COL22A1: variants seen among roughly 807,000 people sequenced by gnomAD.
COL22A1 encodes the protein collagen alpha-1(XXII) chain.
Under a neutral mutation model 248.9 loss-of-function variants are expected in COL22A1, and 221 were observed. The observed-to-expected ratio is 0.89, with a 90% CI of 0.80 to 0.99. The LOEUF is 0.99. Ranked by LOEUF, COL22A1 falls within the 50% of genes least tolerant of loss-of-function variation. The pLI, the probability that COL22A1 is intolerant of heterozygous loss-of-function variation, is 0.00. For synonymous variants in COL22A1, 891 were observed against 793.4 expected (o/e 1.12, Z -2.07); for missense variants, 2,240 against 2,179.0 (o/e 1.03, Z -0.56).
intron 45 of COL22A1, among the ~76,000 whole-genome samples, chr8:138,650,147 G>A (rs1470091580): frequency 1.3e-5 from 2 of 152,144 alleles, no homozygotes; most frequent in South Asian, 4.1e-4. Context: ...CAAACATTTA[G>A]TATTACTAAA....
At chr8:138,623,670 A>G (rs990750531) in intron 52 of COL22A1, 62 bp downstream of exon 52, 3 of 1,401,936 alleles carry the variant, frequency 2.1e-6, no homozygotes, top group Non-Finnish European at 3.0e-6. Context: ...CACACAAAGT[A>G]GTTGTTTTTG....
intron 51 of COL22A1, among the ~76,000 whole-genome samples, chr8:138,625,264 T>C (rs556912749): frequency 6.6e-6 from 1 of 152,174 alleles, no homozygotes; most frequent in East Asian, 1.9e-4. Flanking sequence ...GGAAGAGGCA[T>C]CCTGGTAGCC....
chr8:138,774,500 C>G (rs1053442724), intron 16 of COL22A1, among the ~76,000 whole-genome samples: 21 of 150,738 alleles, frequency 1.4e-4, no homozygotes, highest in African/African-American at 4.4e-4. Context: ...CTCACTGCAA[C>G]CTCCGCCTCC....
intron 12 of COL22A1, among the ~76,000 whole-genome samples, chr8:138,783,433 G>C (rs764593354): frequency 1.3e-5 from 2 of 152,116 alleles, no homozygotes; most frequent in Admixed American, 6.5e-5. Flanking sequence ...GTGTTCCAGG[G>C]CAGGGAGCAT....
intron 56 of COL22A1, among the ~76,000 whole-genome samples, chr8:138,608,671 G>A (rs548063172): frequency 7.2e-5 from 11 of 152,280 alleles, no homozygotes; most frequent in African/African-American, 2.6e-4. Flanking sequence ...GTAAAAACAA[G>A]AAAGCTCAAG....
At chr8:138,760,359 A>G in intron 17 of COL22A1, 72 bp from the exon 18 acceptor site, 1 of 1,408,636 alleles carries the variant, frequency 7.1e-7, no homozygotes, top group Non-Finnish European at 9.7e-7. Context: ...GGGGAGAAAC[A>G]GGTTGAAAGA....
intron 30 of COL22A1, among the ~76,000 whole-genome samples, chr8:138,711,289 A>T (rs2131055005): frequency 6.6e-6 from 1 of 152,336 alleles, no homozygotes. Flanking sequence ...GGGGACGTGA[A>T]GGGAGAAGCA....
intron 40 of COL22A1, among the ~76,000 whole-genome samples, chr8:138,678,520 T>G (rs1825734208): frequency 6.6e-6 from 1 of 152,294 alleles, no homozygotes; most frequent in East Asian, 1.9e-4. Flanking sequence ...TTCAAGATAC[T>G]TCGGATCCCT....
At chr8:138,734,366 C>A (rs1259367685) in intron 23 of COL22A1, among the ~76,000 whole-genome samples, 2 of 152,066 alleles carry the variant, frequency 1.3e-5, no homozygotes, top group Non-Finnish European at 2.9e-5. Flanking sequence ...AATTTGGTAC[C>A]CAGTGCGTAC....
chr8:138,715,834 T>C (rs934094841), intron 29 of COL22A1, 99 bp from the exon 30 acceptor site: 1 of 849,520 alleles, frequency 1.2e-6, no homozygotes, highest in Non-Finnish European at 1.9e-6. Context: ...AAAACATACA[T>C]GTATATATTT....
intron 30 of COL22A1, among the ~76,000 whole-genome samples, chr8:138,706,946 A>G (rs1828513395): frequency 6.6e-6 from 1 of 152,228 alleles, no homozygotes. Context: ...AAAAAATGAT[A>G]AAGGGGATAT....
rs576193195 is a variant in COL22A1, at chr8:138,906,449, C to T, written c.-73+7170G>A. Among the ~76,000 whole-genome samples the T allele has an allele frequency of 2.6e-5, 4 of 152,232 alleles. No homozygotes were observed. In the East Asian group the frequency reaches 7.7e-4, roughly 29 times the overall value. On this transcript the variant is annotated intron_variant, in intron 1 of 64. Transcript: ENST00000303045. Reference sequence around the variant, plus strand: ...CTTAACGTGTCTAGTCTCTCTTCCTCTGTGCCTGGAACAATGATGCGCACA... The same window carrying T: ...CTTAACGTGTCTAGTCTCTCTTCCTTTGTGCCTGGAACAATGATGCGCACA...
Position 138,649,790 on chromosome 8 carries a change from G to C in COL22A1, c.3334-12C>G. 1 of 1,515,368 alleles carries C rather than the reference G, an allele frequency of 6.6e-7. No individual in the cohort carries two copies. Among genetic ancestry groups the C allele is most frequent in the Non-Finnish European group, 8.9e-7 (1 of 1,119,784 alleles). The allele number at this position is 1,515,368 out of a possible 1,614,324, so 93.9% of individuals were successfully genotyped here. A position where few individuals can be genotyped will look rare whatever the true frequency, so the allele number is the denominator to read the frequency against. Reference sequence around the variant, plus strand: ...TCATTGCACACATCCTGAGAGTGGGGAGAGAGGTGGGGACAAAGAGAGAAT... The same window carrying C: ...TCATTGCACACATCCTGAGAGTGGGCAGAGAGGTGGGGACAAAGAGAGAAT... On this transcript the variant is annotated splice_polypyrimidine_tract_variant and intron_variant, in intron 45 of 64. Coordinates refer to ENST00000303045, the MANE Select transcript of COL22A1 (RefSeq NM_152888.3).
chr8:138,670,539 C>G (rs11989535), intron 41 of COL22A1, among the ~76,000 whole-genome samples: 9,008 of 152,102 alleles, frequency 0.059, 629 homozygotes, highest in African/African-American at 0.17. Context: ...GGGACAGCGT[C>G]AGTGGCTTTG....
chr8:138,725,285 G>A, intron 24 of COL22A1, 102 bp downstream of exon 24: 2 of 1,213,144 alleles, frequency 1.6e-6, no homozygotes, highest in Non-Finnish European at 2.5e-6. Flanking sequence ...CTGGACTTGG[G>A]TGGATAAAAG....
chr8:138,700,577 T>C (rs1019729191), intron 31 of COL22A1, among the ~76,000 whole-genome samples: 7 of 151,992 alleles, frequency 4.6e-5, no homozygotes, highest in African/African-American at 1.4e-4. Context: ...GTAGACAAGG[T>C]TGGGGAGAGT....
At chr8:138,677,515 C>CAATTATTTTGAA (rs769374289) in intron 40 of COL22A1, among the ~76,000 whole-genome samples, 34,046 of 152,010 alleles carry the variant, frequency 0.22, 4,085 homozygotes, top group African/African-American at 0.32. Flanking sequence ...CCGAGCCACG[C>CAATTATTTTGAA]CTTATTCGTA....
At chr8:138,788,883 T>C (rs1169570994) in intron 12 of COL22A1, among the ~76,000 whole-genome samples, 1 of 152,212 alleles carries the variant, frequency 6.6e-6, no homozygotes, top group Non-Finnish European at 1.5e-5. Context: ...TTATAGTTGT[T>C]AATTTATGCA....
intron 10 of COL22A1, among the ~76,000 whole-genome samples, chr8:138,807,024 A>G (rs1418466719): frequency 6.6e-6 from 1 of 152,164 alleles, no homozygotes; most frequent in African/African-American, 2.4e-5. Flanking sequence ...ACATTATTCA[A>G]ACTAAGAAAT....
Sources: allele counts gnomAD v4.1 joint callset (sites outside exome capture counted in the v4.1 genomes callset), GRCh38; gene constraint gnomAD v4.1.1; transcripts MANE v1.5; gene names NCBI Gene and HGNC (gene_info 2026-07-23, HGNC 2026-07-21).